The following NRN1L variants were observed in gnomAD, a reference collection of about 807,000 sequenced individuals.
The protein encoded by NRN1L is neuritin 1 like, also known as neuritin-like protein.
Under a neutral mutation model 8.8 loss-of-function variants are expected in NRN1L, and 12 were observed. The ratio of observed to expected loss-of-function variants is 1.36; its 90% CI spans 0.87 to 2.20. NRN1L has a LOEUF of 2.20. Among genes scored for constraint, NRN1L ranks in the 30% most tolerant of loss-of-function variants. The pLI, the probability that NRN1L is intolerant of heterozygous loss-of-function variation, is 0.00. For missense variants in NRN1L, 266 were observed against 232.4 expected (o/e 1.14, Z -0.94); for synonymous variants, 114 against 99.2 (o/e 1.15, Z -0.88).
intron 1 of NRN1L, 114 bp from the exon 2 acceptor site, chr16:67,885,608 C>T: frequency 1.3e-6 from 1 of 795,810 alleles, no homozygotes; most frequent in Non-Finnish European, 2.0e-6. Context: ...CCTTTTTCCG[C>T]TGAGTCACAT....
At chr16:67,885,693 T>TGGCCCCCCCCCCCCCC in intron 1 of NRN1L, 29 bp from the exon 2 acceptor site, 1 of 1,257,214 alleles carries the variant, frequency 8.0e-7, no homozygotes, top group Non-Finnish European at 1.1e-6. Context: ...TACCATTCCT[T>TGGCCCCCCCCCCCCCC]CCCCACCCCA....
At chr16:67,887,727 C>T (rs1342510379), downstream of NRN1L, among the ~76,000 whole-genome samples, 2 of 151,278 alleles carry the variant, frequency 1.3e-5, no homozygotes, top group African/African-American at 2.4e-5. Context: ...GGACTACAGG[C>T]GCCCGCCACC....
downstream of NRN1L, among the ~76,000 whole-genome samples, chr16:67,886,851 GTCTA>G (rs1456233251): frequency 2.6e-5 from 4 of 152,160 alleles, no homozygotes; most frequent in African/African-American, 4.8e-5. Flanking sequence ...TGGTTTTCTG[GTCTA>G]TCTGAGGGAG....
chr16:67,885,949 C>T (rs766267987), intron 2 of NRN1L, 25 bp from the exon 3 acceptor site: 16 of 1,606,986 alleles, frequency 1.0e-5, no homozygotes, highest in Non-Finnish European at 1.4e-5. Context: ...CTCACCTAAT[C>T]CCCCTAATCC....
downstream of NRN1L, among the ~76,000 whole-genome samples, chr16:67,886,674 CCTT>C (rs1252147485): frequency 1.3e-5 from 2 of 152,192 alleles, no homozygotes; most frequent in Non-Finnish European, 1.5e-5. Context: ...ACTGCCTACC[CCTT>C]CTATCCTGGC....
At chr16:67,885,661 G>T (rs539741822) in intron 1 of NRN1L, 61 bp from the exon 2 acceptor site, 50 of 1,355,524 alleles carry the variant, frequency 3.7e-5, no homozygotes, top group Non-Finnish European at 4.7e-5. Context: ...GGGGCTGGGG[G>T]ATGAGCCTGG....
At chr16:67,887,477 C>T (rs1316888214), downstream of NRN1L, among the ~76,000 whole-genome samples, 1 of 151,336 alleles carries the variant, frequency 6.6e-6, no homozygotes, top group Non-Finnish European at 1.5e-5. Context: ...GCCATGTTGG[C>T]CAGGCTGGTC....
downstream of NRN1L, among the ~76,000 whole-genome samples, chr16:67,886,747 C>A (rs1376081269): frequency 6.6e-6 from 1 of 152,234 alleles, no homozygotes; most frequent in African/African-American, 2.4e-5. Context: ...CCCTCCCCAG[C>A]CTCTGGGCTC....
downstream of NRN1L, among the ~76,000 whole-genome samples, chr16:67,888,130 G>A (rs779544213): frequency 1.2e-4 from 18 of 152,136 alleles, no homozygotes; most frequent in Admixed American, 2.0e-4. Context: ...CAGAATCCTC[G>A]TTGTGTCTCT....
intron 1 of NRN1L, chr16:67,885,236 G>A (rs1217617078): frequency 2.2e-5 from 13 of 589,806 alleles, no homozygotes; most frequent in South Asian, 8.0e-5. Flanking sequence ...TAGACCAGTC[G>A]TAGGATCCCT....
chr16:67,886,089 A>G lies in NRN1L; in HGVS notation c.328A>G (p.Asn110Asp). The change falls in exon 3 of 3, where the codon AAC becomes GAC. Residue 110 changes from asparagine (N) to aspartate (D), a missense_variant. By Grantham distance (23) the Asn-to-Asp change is conservative. Transcript: ENST00000339176. ...AGCTCGCCAGGCCCCCCGTCCGAAT[A>G]ACTTGCACACTCTGTGCGGTGCCCC... ...QEARQAPRPNNLHTLCGAPVH... is the reference protein window; with the variant it reads ...QEARQAPRPNDLHTLCGAPVH... 1 of 1,613,466 alleles carries G rather than the reference A, an allele frequency of 6.2e-7. No individual in the cohort carries two copies. Among genetic ancestry groups the G allele is most frequent in the South Asian group, 1.1e-5 (1 of 90,954 alleles).
At position 67,886,283 on chromosome 16, in the gene NRN1L, C is replaced by G. The variant is rs1382958397; in HGVS notation, c.*24C>G. ...AGCTTGTTGGGTTGGGTAGCAGCGC[C>G]CGTACCTCCAGCCCTGCTCTGGCGG... is the stretch of plus-strand genomic sequence containing the variant. On this transcript the variant is annotated 3_prime_UTR_variant, in exon 3 of 3. Coordinates refer to ENST00000339176, the MANE Select transcript of NRN1L (RefSeq NM_198443.2). The G allele has an allele frequency of 3.2e-6, 5 of 1,556,732 alleles. No individual in the cohort carries two copies. The highest frequency in any genetic ancestry group is 4.3e-6 in the Non-Finnish European group (5 of 1,156,328).
In NRN1L at chr16:67,884,900, A is replaced by G; in HGVS notation, c.-4A>G. ...TAGCTCCTGCACTAGGCTCTCAGCCAGGGATGATGCGCTGCTGCCGCCGCC... is the reference window on the plus strand; with the variant it reads ...TAGCTCCTGCACTAGGCTCTCAGCCGGGGATGATGCGCTGCTGCCGCCGCC... On this transcript the variant is annotated 5_prime_UTR_variant, in exon 1 of 3. Coordinates refer to ENST00000339176, the MANE Select transcript of NRN1L (RefSeq NM_198443.2). The surrounding 1 kb of genome is among the most constrained non-coding windows in gnomAD (Gnocchi z 4.1). 10 of 1,604,242 alleles carry G rather than the reference A, an allele frequency of 6.2e-6. No individual in the cohort carries two copies. The highest frequency in any genetic ancestry group is 8.5e-6 in the Non-Finnish European group (10 of 1,179,574).
At chr16:67,885,620 C>A in intron 1 of NRN1L, 102 bp from the exon 2 acceptor site, 1 of 903,484 alleles carries the variant, frequency 1.1e-6, no homozygotes, top group Non-Finnish European at 1.7e-6. Flanking sequence ...GAGTCACATC[C>A]CCAGAGTGCT....
downstream of NRN1L, among the ~76,000 whole-genome samples, chr16:67,887,619 G>C (rs1264455698): frequency 6.9e-6 from 1 of 144,648 alleles, no homozygotes; most frequent in Non-Finnish European, 1.5e-5. Context: ...GTCTCCCTCA[G>C]TCGCCCAGGC....
At position 67,885,704 on chromosome 16, in the gene NRN1L, CCCCCG is replaced by C; in HGVS notation, c.80-13_80-9del. ...TATCTACCATTCCTTCCCCACCCCA[CCCCCG>C]CCCCACTTCTAGTCCTTTTACCTCC... On this transcript the variant is annotated splice_polypyrimidine_tract_variant and intron_variant, in intron 1 of 2. Coordinates refer to ENST00000339176, the MANE Select transcript of NRN1L (RefSeq NM_198443.2). The C allele has an allele frequency of 7.7e-7, 1 of 1,306,040 alleles. No homozygotes were observed. Among genetic ancestry groups the C allele is most frequent in the Non-Finnish European group, 1.1e-6 (1 of 935,606 alleles). The allele number at this position is 1,306,040 out of a possible 1,614,324, so 80.9% of individuals were successfully genotyped here.
Position 67,886,255 on chromosome 16 carries a change from C to A in NRN1L, c.494C>A (p.Ala165Asp). The A allele has an allele frequency of 1.9e-6, 3 of 1,586,526 alleles. No individual in the cohort carries two copies. Among genetic ancestry groups the A allele is most frequent in the Non-Finnish European group, 2.6e-6 (3 of 1,172,452 alleles). Residue 165 changes from alanine to aspartate, a missense_variant, in exon 3 of 3, where the codon GCC (alanine) becomes GAC (aspartate). Ala to Asp is a moderately radical substitution (Grantham distance 126, BLOSUM62 -2). Coordinates refer to ENST00000339176, the MANE Select transcript of NRN1L (RefSeq NM_198443.2). ...CTGGCCTACCTCCTGAGGCCTCTGG[C>A]CTAGCTTGTTGGGTTGGGTAGCAGC... Reference protein sequence around the residue: ...LALAYLLRPLA With the variant: ...LALAYLLRPLD
chr16:67,888,640 T>C (rs2058103143), downstream of NRN1L: 1 of 152,110 alleles, frequency 6.6e-6, no homozygotes. Context: ...CAGAGCATCA[T>C]GGTGATGGTG....
In NRN1L at chr16:67,884,898, C is replaced by G; in HGVS notation, c.-6C>G. ...GCTAGCTCCTGCACTAGGCTCTCAG[C>G]CAGGGATGATGCGCTGCTGCCGCCG... is the stretch of plus-strand genomic sequence containing the variant. On this transcript the variant is annotated 5_prime_UTR_variant, in exon 1 of 3. Coordinates refer to ENST00000339176, the MANE Select transcript of NRN1L (RefSeq NM_198443.2). The surrounding 1 kb of genome is among the most constrained non-coding windows in gnomAD (Gnocchi z 4.1). 2.5e-6 allele frequency: 4 copies of G among 1,603,970 alleles called. No homozygotes were observed. The highest frequency in any genetic ancestry group is 3.4e-6 in the Non-Finnish European group (4 of 1,179,548).
Sources: allele counts gnomAD v4.1 joint callset (sites outside exome capture counted in the v4.1 genomes callset), GRCh38; gene constraint gnomAD v4.1.1; non-coding constraint Gnocchi (gnomAD v3.1); transcripts MANE v1.5; gene names NCBI Gene and HGNC (gene_info 2026-07-23, HGNC 2026-07-21).